Variants in ZNF683 observed in about 807,000 individuals in gnomAD.
ZNF683 encodes tissue-resident T-cell transcription regulator protein ZNF683.
A neutral mutation model predicts 31.4 loss-of-function variants in ZNF683; 20 were observed. The ratio of observed to expected loss-of-function variants is 0.64; its 90% CI spans 0.45 to 0.93. The LOEUF is 0.93. Ranked by LOEUF, ZNF683 falls within the 40% of genes least tolerant of loss-of-function variation. The probability of loss-of-function intolerance (pLI) is 0.00; values close to 1 mark genes in which losing one functional copy is unlikely to be tolerated. For synonymous variants in ZNF683, 264 were observed against 267.6 expected (o/e 0.99, Z 0.13); for missense variants, 621 against 637.2 (o/e 0.97, Z 0.27).
At chr1:26,362,839 C>T (rs2074417996) in intron 5 of ZNF683, among the ~76,000 whole-genome samples, 187 bp downstream of exon 5, 1 of 152,112 alleles carries the variant, frequency 6.6e-6, no homozygotes, top group African/African-American at 2.4e-5. Context: ...CTCCTGCAGG[C>T]CTTTGGAGTG....
intron 1 of ZNF683, chr1:26,372,354 G>A (rs2074688781): frequency 1.6e-6 from 1 of 636,740 alleles, no homozygotes; most frequent in Non-Finnish European, 2.3e-6. Flanking sequence ...AGGTTTTTTT[G>A]GACGCCCAGC....
At chr1:26,370,485 C>T (rs1051544228) in intron 1 of ZNF683, 2 of 233,724 alleles carry the variant, frequency 8.6e-6, no homozygotes, top group African/African-American at 2.3e-5. Flanking sequence ...AAGACCCCTT[C>T]CCCGTCACCT....
At chr1:26,369,551 C>T (rs539736759) in intron 1 of ZNF683, among the ~76,000 whole-genome samples, 1 of 152,134 alleles carries the variant, frequency 6.6e-6, no homozygotes, top group Non-Finnish European at 1.5e-5. Flanking sequence ...GCCTGTAATC[C>T]CAGCTACTCA....
chr1:26,374,219 C>T (rs2074719340), upstream of ZNF683: 3 of 1,301,072 alleles, frequency 2.3e-6, no homozygotes, highest in Non-Finnish European at 3.0e-6. Context: ...CTGGGAATCA[C>T]AGGGAAGTGA....
chr1:26,365,367 G>C lies in ZNF683; in HGVS notation c.320-141C>G, dbSNP rs564819810. On this transcript the variant is annotated intron_variant, in intron 3 of 5. Coordinates refer to ENST00000349618, the MANE Select transcript of ZNF683 (RefSeq NM_001114759.3). ...ATTTCTGTAGTGCTGAACAATTTCA[G>C]GGGGAGAAAGCAGTTCAAGGTCCCT... is the stretch of plus-strand genomic sequence containing the variant. 2.2e-5 allele frequency: 20 copies of C among 910,824 alleles called. No individual in the cohort carries two copies. In the Middle Eastern group the frequency reaches 1.4e-3, roughly 62 times the overall value. 56.4% of individuals were successfully genotyped at this position (910,824 alleles called of 1,614,324 possible). A position where few individuals can be genotyped will look rare whatever the true frequency, so the allele number is the denominator to read the frequency against.
intron 4 of ZNF683, among the ~76,000 whole-genome samples, chr1:26,363,920 T>C (rs1450819191): frequency 2.6e-5 from 4 of 152,272 alleles, no homozygotes; most frequent in East Asian, 3.9e-4. Context: ...ATAACCACAA[T>C]GTGCCTTCAA....
At chr1:26,371,896 C>G (rs558549884) in intron 1 of ZNF683, among the ~76,000 whole-genome samples, 34 of 152,214 alleles carry the variant, frequency 2.2e-4, no homozygotes, top group African/African-American at 8.2e-4. Flanking sequence ...CATGCCACTG[C>G]ACTCCAGCCT....
intron 1 of ZNF683, among the ~76,000 whole-genome samples, chr1:26,370,203 C>T (rs955887255): frequency 6.6e-6 from 1 of 152,108 alleles, no homozygotes; most frequent in Non-Finnish European, 1.5e-5. Context: ...ACCAGAGGCC[C>T]CCCACCAAGG....
Position 26,364,537 on chromosome 1 carries a change from G to T in ZNF683, c.1009C>A (p.Leu337Ile). The T allele has an allele frequency of 1.2e-6, 2 of 1,613,864 alleles. No homozygotes were observed. The highest frequency in any genetic ancestry group is 1.1e-5 in the South Asian group (1 of 91,080). The change falls in exon 4 of 6, where the codon CTC (leucine) becomes ATC (isoleucine). Residue 337 changes from leucine to isoleucine, a missense_variant. Coordinates refer to ENST00000349618, the MANE Select transcript of ZNF683 (RefSeq NM_001114759.3). ...CGKSFGQLSNLKVHLRVHSGE... is the reference protein window; with the variant it reads ...CGKSFGQLSNIKVHLRVHSGE... ...AGAGCCCAGGAGGCAGATACCTTGAGATTGGAGAGCTGCCCAAAGCTCTTG... is the reference window on the plus strand; with the variant it reads ...AGAGCCCAGGAGGCAGATACCTTGATATTGGAGAGCTGCCCAAAGCTCTTG...
chr1:26,362,587 C>T (rs915424827), intron 5 of ZNF683, among the ~76,000 whole-genome samples: 6 of 152,140 alleles, frequency 3.9e-5, no homozygotes, highest in East Asian at 1.9e-4. Context: ...CTATGCAGCC[C>T]GGACTCATAA....
rs1245081453 is a variant in ZNF683, at chr1:26,368,760, T to C, written c.-14-175A>G. ...GGTTGGTCTAGTTGATGCGTAAGGA[T>C]TCTCTCAATGTTGACATTTAGAAGC... On this transcript the variant is annotated intron_variant, in intron 1 of 5. Coordinates refer to ENST00000349618, the MANE Select transcript of ZNF683 (RefSeq NM_001114759.3). Among the ~76,000 whole-genome samples, 4 of 152,228 alleles carry C rather than the reference T, an allele frequency of 2.6e-5. No individual in the cohort carries two copies. In the South Asian group the frequency reaches 8.3e-4, roughly 32 times the overall value.
rs56178546 is a variant in ZNF683 at position 26,369,668 on chromosome 1, C to CA, written c.-14-1084dup. 1.8e-3 allele frequency among the ~76,000 whole-genome samples: 200 copies of CA among 108,620 alleles called. 1 individual carries two copies. The highest frequency in any genetic ancestry group is 6.8e-3 in the African/African-American group (148 of 21,762). The allele number at this position is 108,620 out of a possible 152,430, so 71.3% of individuals were successfully genotyped here. ...GGGTGACAGAGCAAGACTTTGTCTC[C>CA]AAAAAAAAAAAATTAGCTGAGTGTG... On this transcript the variant is annotated intron_variant, in intron 1 of 5. Coordinates refer to ENST00000349618, the MANE Select transcript of ZNF683 (RefSeq NM_001114759.3).
At chr1:26,370,029 T>G (rs1249298980) in intron 1 of ZNF683, among the ~76,000 whole-genome samples, 1 of 151,842 alleles carries the variant, frequency 6.6e-6, no homozygotes, top group Non-Finnish European at 1.5e-5. Flanking sequence ...TCAATGGAGA[T>G]TAGCCAATCA....
chr1:26,366,755 A>C (rs2074533512), intron 3 of ZNF683, among the ~76,000 whole-genome samples: 1 of 152,092 alleles, frequency 6.6e-6, no homozygotes, highest in South Asian at 2.1e-4. Context: ...TCCCAGGTTC[A>C]TGCCATTCTC....
intron 1 of ZNF683, 66 bp from the exon 2 acceptor site, chr1:26,368,651 C>A: frequency 2.7e-6 from 4 of 1,477,548 alleles, no homozygotes; most frequent in South Asian, 1.5e-5. Context: ...AGTTCTAGGA[C>A]TGGCTCTCCC....
upstream of ZNF683, chr1:26,374,135 C>T (rs1325908132): frequency 1.2e-6 from 1 of 811,270 alleles, no homozygotes; most frequent in African/African-American, 1.8e-5. Context: ...GCTTAGTTCA[C>T]CAAAACTCTA....
rs1169165677 is a variant in ZNF683 at position 26,367,592 on chromosome 1, C to A, written c.319+1G>T. ...GGTGCAGCCCGGTGCCCTGGGCTTA[C>A]TCATGCTCAAGGCGTCCTCTTGGAG... On this transcript the variant is annotated splice_donor_variant, in intron 3 of 5. Transcript: ENST00000349618. LOFTEE classifies it high-confidence loss of function. 2 of 1,594,228 alleles carry A rather than the reference C, an allele frequency of 1.3e-6. No individual in the cohort carries two copies. Among genetic ancestry groups the A allele is most frequent in the Non-Finnish European group, 1.7e-6 (2 of 1,171,130 alleles).
intron 4 of ZNF683, 124 bp downstream of exon 4, chr1:26,364,408 T>C: frequency 9.4e-7 from 1 of 1,062,614 alleles, no homozygotes; most frequent in Non-Finnish European, 1.4e-6. Flanking sequence ...CAAGGTCACT[T>C]GGCCCTAGAG....
At chr1:26,371,602 T>TA (rs111632057) in intron 1 of ZNF683, among the ~76,000 whole-genome samples, 1,965 of 114,182 alleles carry the variant, frequency 0.017, 23 homozygotes, top group African/African-American at 0.04. Context: ...CCTGTCTCTT[T>TA]AAAAAAAAAA....
Sources: allele counts gnomAD v4.1 joint callset (sites outside exome capture counted in the v4.1 genomes callset), GRCh38; gene constraint gnomAD v4.1.1; transcripts MANE v1.5; gene names NCBI Gene and HGNC (gene_info 2026-07-23, HGNC 2026-07-21).